Variants in KCND2 observed in about 807,000 individuals in gnomAD.
The protein encoded by KCND2 is A-type voltage-gated potassium channel KCND2.
In KCND2, 16 loss-of-function variants were observed where a neutral mutation model predicts 54.4. The ratio of observed to expected loss-of-function variants is 0.29; its 90% CI spans 0.20 to 0.45. KCND2 has a LOEUF of 0.45. Ranked by LOEUF, KCND2 falls within the 20% of genes least tolerant of loss-of-function variation. The pLI, the probability that KCND2 is intolerant of heterozygous loss-of-function variation, is 1.00. For missense variants in KCND2, 486 were observed against 824.2 expected, an observed-to-expected ratio of 0.59 and a Z score of 5.02; for synonymous variants, 317 against 310.7, an observed-to-expected ratio of 1.02 and a Z score of -0.21.
intron 1 of KCND2, among the ~76,000 whole-genome samples, chr7:120,576,949 T>G (rs2116435596): frequency 6.6e-6 from 1 of 152,132 alleles, no homozygotes; most frequent in African/African-American, 2.4e-5. Context: ...GAGTTCAAGA[T>G]CAGCCTGGGC....
chr7:120,437,204 C>CTTTTTTTTTTT (rs66518858), intron 1 of KCND2, among the ~76,000 whole-genome samples: 4 of 130,426 alleles, frequency 3.1e-5, no homozygotes, highest in South Asian at 2.4e-4. Flanking sequence ...CAATATACAA[C>CTTTTTTTTTTT]TTTTTTTTTT....
At chr7:120,452,541 G>C (rs1484509015) in intron 1 of KCND2, among the ~76,000 whole-genome samples, 1 of 152,132 alleles carries the variant, frequency 6.6e-6, no homozygotes, top group African/African-American at 2.4e-5. Context: ...ACCTGCACAG[G>C]ACTACTGAGC....
At chr7:120,314,409 A>C (rs1295178593) in intron 1 of KCND2, among the ~76,000 whole-genome samples, 2 of 151,842 alleles carry the variant, frequency 1.3e-5, no homozygotes, top group Non-Finnish European at 2.9e-5. Context: ...TTTTTTCCCT[A>C]ACTCTAGGTT....
At position 120,474,179 on chromosome 7, in the gene KCND2, G is replaced by A. The variant is rs908067919; in HGVS notation, c.1115+198432G>A. Among the ~76,000 whole-genome samples, 8 of 152,224 alleles carry A rather than the reference G, an allele frequency of 5.3e-5. No homozygotes were observed. In the East Asian group the frequency reaches 7.7e-4, roughly 15 times the overall value. ...CCCATTCTCTTTGGTGAGGCCCTCC[G>A]TGGTGATTCCCCAGCATAGCTCTGA... is the stretch of plus-strand genomic sequence containing the variant. On this transcript the variant is annotated intron_variant, in intron 1 of 5. Coordinates refer to ENST00000331113, the MANE Select transcript of KCND2 (RefSeq NM_012281.3).
At chr7:120,295,750 G>A (rs763501302) in intron 1 of KCND2, among the ~76,000 whole-genome samples, 18 of 152,096 alleles carry the variant, frequency 1.2e-4, no homozygotes, top group Non-Finnish European at 2.4e-4. Flanking sequence ...ATGCCTTACA[G>A]AAACTTTATG....
intron 2 of KCND2, among the ~76,000 whole-genome samples, chr7:120,737,070 ACACACAAAC>A (rs1792881187): frequency 1.4e-5 from 2 of 142,998 alleles, no homozygotes; most frequent in African/African-American, 5.2e-5. Context: ...ACACACACAC[ACACACAAAC>A]AAAAAAAAAA....
chr7:120,273,090 T>G (rs1300217425), upstream of KCND2, among the ~76,000 whole-genome samples: 2 of 151,410 alleles, frequency 1.3e-5, no homozygotes, highest in Non-Finnish European at 2.9e-5. Context: ...CCGGGGTTGG[T>G]GGGTGGCTGG....
intron 1 of KCND2, among the ~76,000 whole-genome samples, chr7:120,390,535 C>T (rs577810977): frequency 6.6e-6 from 1 of 152,030 alleles, no homozygotes; most frequent in African/African-American, 2.4e-5. Context: ...CCAAATCACA[C>T]AATTCTTGCA....
At chr7:120,437,609 C>A (rs929240170) in intron 1 of KCND2, among the ~76,000 whole-genome samples, 2 of 151,910 alleles carry the variant, frequency 1.3e-5, no homozygotes, top group Non-Finnish European at 2.9e-5. Context: ...ATAAACCAAC[C>A]CCCTAGAGAT....
chr7:120,380,032 T>C lies in KCND2; in HGVS notation c.1115+104285T>C, dbSNP rs751206480. Among the ~76,000 whole-genome samples, 5 of 152,080 alleles carry C rather than the reference T, an allele frequency of 3.3e-5. 1 individual carries two copies. Among genetic ancestry groups the C allele is most frequent in the Non-Finnish European group, 2.9e-5 (2 of 67,988 alleles). ...GACCTGTACATATTTTCATATGATATATCAAATAAATTGCAATCAATAAAT... is the reference window on the plus strand; with the variant it reads ...GACCTGTACATATTTTCATATGATACATCAAATAAATTGCAATCAATAAAT... On this transcript the variant is annotated intron_variant, in intron 1 of 5. Transcript: ENST00000331113.
intron 1 of KCND2, among the ~76,000 whole-genome samples, chr7:120,458,805 C>T (rs113270707): frequency 0.027 from 4,026 of 151,516 alleles, 81 homozygotes; most frequent in Non-Finnish European, 0.045. Context: ...AGGAAATCCT[C>T]TTGACTCTTC....
chr7:120,566,993 G>T (rs552864134), intron 1 of KCND2, among the ~76,000 whole-genome samples: 1 of 151,900 alleles, frequency 6.6e-6, no homozygotes, highest in East Asian at 1.9e-4. Flanking sequence ...CAAACATTTT[G>T]TCTGTGTATA....
Position 120,517,874 on chromosome 7 carries a change from A to T in KCND2, c.1116-215029A>T, listed in dbSNP as rs147112763. Among the ~76,000 whole-genome samples the T allele has an allele frequency of 2.0e-5, 3 of 152,276 alleles. No homozygotes were observed. The East Asian group carries it at 5.8e-4, about 29-fold the overall frequency. ...TGAAAGCATGATGTGCTTGTCATGT[A>T]ATACATCGTTTGAATTTTACACTGG... is the stretch of plus-strand genomic sequence containing the variant. On this transcript the variant is annotated intron_variant, in intron 1 of 5. Transcript: ENST00000331113.
rs201976614 is a variant in KCND2, at chr7:120,455,175, GA to G, written c.1115+179438del. Among the ~76,000 whole-genome samples the G allele has an allele frequency of 7.4e-5, 11 of 148,886 alleles. No homozygotes were observed. In the South Asian group the frequency reaches 8.5e-4, roughly 11 times the overall value. On this transcript the variant is annotated intron_variant, in intron 1 of 5. Coordinates refer to ENST00000331113, the MANE Select transcript of KCND2 (RefSeq NM_012281.3). ...TCAATTACATTCTTCACAGAATTTA[GA>G]AAAAAAAAATTTTAAAATTTATGTA...
chr7:120,658,267 T>C (rs1331907798), intron 1 of KCND2, among the ~76,000 whole-genome samples: 1 of 152,214 alleles, frequency 6.6e-6, no homozygotes, highest in Non-Finnish European at 1.5e-5. Flanking sequence ...TGCTGTATTT[T>C]CAACATCTAG....
At chr7:120,644,683 GT>G (rs1272460649) in intron 1 of KCND2, among the ~76,000 whole-genome samples, 1 of 152,118 alleles carries the variant, frequency 6.6e-6, no homozygotes, top group Non-Finnish European at 1.5e-5. Context: ...ATTTCATGAT[GT>G]TTTTGGTTAT....
At chr7:120,399,469 C>T (rs1801208649) in intron 1 of KCND2, among the ~76,000 whole-genome samples, 1 of 151,734 alleles carries the variant, frequency 6.6e-6, no homozygotes, top group African/African-American at 2.4e-5. Context: ...GTTAGCTATC[C>T]TGTCATTTAT....
chr7:120,646,609 G>A (rs1200875527), intron 1 of KCND2, among the ~76,000 whole-genome samples: 5 of 152,090 alleles, frequency 3.3e-5, no homozygotes, highest in Non-Finnish European at 5.9e-5. Flanking sequence ...TTAGATGAAT[G>A]GACAAATGGC....
chr7:120,623,194 G>T (rs562770360), intron 1 of KCND2, among the ~76,000 whole-genome samples: 24 of 152,268 alleles, frequency 1.6e-4, no homozygotes, highest in African/African-American at 5.1e-4. Flanking sequence ...TCACTGCCAA[G>T]ATTGGAAACA....
Sources: allele counts gnomAD v4.1 joint callset (sites outside exome capture counted in the v4.1 genomes callset), GRCh38; gene constraint gnomAD v4.1.1; transcripts MANE v1.5; gene names NCBI Gene and HGNC (gene_info 2026-07-23, HGNC 2026-07-21).